ADGRB3: variants seen among roughly 807,000 people sequenced by gnomAD.
ADGRB3 encodes brain-specific angiogenesis inhibitor 3.
A neutral mutation model predicts 193.4 loss-of-function variants in ADGRB3; 37 were observed. The observed-to-expected ratio is 0.19, with a 90% CI of 0.15 to 0.25. The LOEUF (loss-of-function observed/expected upper bound fraction) is 0.25. ADGRB3 is among the 10% of genes least tolerant of loss of function. The pLI, the probability that ADGRB3 is intolerant of heterozygous loss-of-function variation, is 1.00. For synonymous variants in ADGRB3, 690 were observed against 644.2 expected (o/e 1.07, Z -1.08); for missense variants, 1,637 against 1,852.9 (o/e 0.88, Z 2.14).
intron 11 of ADGRB3, among the ~76,000 whole-genome samples, chr6:69,002,081 T>G (rs189767945): frequency 6.6e-6 from 1 of 152,350 alleles, no homozygotes; most frequent in East Asian, 1.9e-4. Context: ...TAGCTGAGAT[T>G]AAATAGGAAG....
intron 3 of ADGRB3, among the ~76,000 whole-genome samples, chr6:68,929,319 G>A (rs999990205): frequency 2.6e-5 from 4 of 152,134 alleles, no homozygotes; most frequent in Non-Finnish European, 4.4e-5. Context: ...CTCAGAGGAT[G>A]TTCTTTTGAG....
At chr6:68,863,582 C>A (rs1215144506) in intron 3 of ADGRB3, among the ~76,000 whole-genome samples, 1 of 152,012 alleles carries the variant, frequency 6.6e-6, no homozygotes, top group East Asian at 1.9e-4. Context: ...TGCAAACTCA[C>A]ACATTTTGAA....
chr6:69,366,579 G>T (rs1769572520), intron 29 of ADGRB3, among the ~76,000 whole-genome samples: 1 of 152,070 alleles, frequency 6.6e-6, no homozygotes, highest in Non-Finnish European at 1.5e-5. Context: ...GCTTCATACT[G>T]TTGTACATTT....
At chr6:69,021,223 CTACT>C (rs1770253928) in intron 13 of ADGRB3, among the ~76,000 whole-genome samples, 1 of 151,768 alleles carries the variant, frequency 6.6e-6, no homozygotes, top group Non-Finnish European at 1.5e-5. Context: ...TGGATTAAGA[CTACT>C]TAAAGAACTT....
At chr6:69,065,344 C>T (rs1771870540) in intron 16 of ADGRB3, among the ~76,000 whole-genome samples, 1 of 152,154 alleles carries the variant, frequency 6.6e-6, no homozygotes, top group Admixed American at 6.6e-5. Context: ...TCAGAGGCTC[C>T]TCCAGTTACT....
In ADGRB3 at chr6:69,239,362, G is replaced by C. The variant is rs1436076847; in HGVS notation, c.2814+136G>C. ...TATTTTAAAGCAAAATTTTGTTATT[G>C]GTTTATGAATAAAAACATTGTCTAT... On this transcript the variant is annotated intron_variant, in intron 20 of 31. Transcript: ENST00000370598. 4 of 592,984 alleles carry C rather than the reference G, an allele frequency of 6.7e-6. No homozygotes were observed. The African/African-American group carries it at 7.6e-5, about 11-fold the overall frequency. The allele number at this position is 592,984 out of a possible 1,614,324, so 36.7% of individuals were successfully genotyped here.
At chr6:68,875,021 TA>T (rs1765552224) in intron 3 of ADGRB3, among the ~76,000 whole-genome samples, 1 of 150,840 alleles carries the variant, frequency 6.6e-6, no homozygotes, top group Non-Finnish European at 1.5e-5. Context: ...ATGAAGCATT[TA>T]CTTTCTTTCT....
chr6:69,303,735 A>T (rs1341872168), intron 20 of ADGRB3, among the ~76,000 whole-genome samples: 18 of 151,986 alleles, frequency 1.2e-4, no homozygotes, highest in Admixed American at 1.1e-3. Flanking sequence ...GATATTATTT[A>T]AAAATTGTGC....
intron 17 of ADGRB3, among the ~76,000 whole-genome samples, chr6:69,136,561 A>G (rs1278340923): frequency 6.6e-6 from 1 of 152,046 alleles, no homozygotes; most frequent in Non-Finnish European, 1.5e-5. Flanking sequence ...TATATTTGGC[A>G]TTATATAAAC....
At chr6:69,036,628 A>T (rs1770879482) in intron 13 of ADGRB3, among the ~76,000 whole-genome samples, 1 of 152,166 alleles carries the variant, frequency 6.6e-6, no homozygotes, top group South Asian at 2.1e-4. Flanking sequence ...GGATATCTTT[A>T]TATGGGGTAG....
At chr6:69,301,396 G>T (rs1228074843) in intron 20 of ADGRB3, among the ~76,000 whole-genome samples, 1 of 151,834 alleles carries the variant, frequency 6.6e-6, no homozygotes, top group Non-Finnish European at 1.5e-5. Context: ...TCCTGTTGCT[G>T]TTGCAGTGAG....
chr6:69,010,762 TC>T (rs1769907076), intron 11 of ADGRB3, among the ~76,000 whole-genome samples: 1 of 128,988 alleles, frequency 7.8e-6, no homozygotes, highest in East Asian at 2.2e-4. Context: ...GTCATGGAGA[TC>T]AAGGCTGACT....
intron 16 of ADGRB3, among the ~76,000 whole-genome samples, chr6:69,065,758 T>TACAC (rs1491430136): frequency 1.2e-3 from 119 of 102,830 alleles, no homozygotes; most frequent in Admixed American, 2.3e-3. Flanking sequence ...ACTTCATGTA[T>TACAC]ATATATACAC....
intron 3 of ADGRB3, among the ~76,000 whole-genome samples, chr6:68,834,268 G>T (rs555959): frequency 0.21 from 31,999 of 151,856 alleles, 3,950 homozygotes; most frequent in East Asian, 0.58. Flanking sequence ...AATTCTTACT[G>T]TATAAAGCTC....
chr6:69,098,482 T>C (rs1453489862), intron 17 of ADGRB3, among the ~76,000 whole-genome samples: 2 of 152,158 alleles, frequency 1.3e-5, no homozygotes, highest in African/African-American at 4.8e-5. Flanking sequence ...GAGGTTTAAT[T>C]GACTCACAGT....
chr6:68,684,735 C>T (rs1455186466), intron 3 of ADGRB3, among the ~76,000 whole-genome samples: 6 of 152,010 alleles, frequency 3.9e-5, no homozygotes, highest in African/African-American at 1.2e-4. Context: ...ACTAGCTATA[C>T]ATAAATAGAT....
chr6:68,718,651 A>C (rs959617409), intron 3 of ADGRB3, among the ~76,000 whole-genome samples: 1 of 151,816 alleles, frequency 6.6e-6, no homozygotes, highest in Admixed American at 6.6e-5. Context: ...AATCTTCCTC[A>C]GTACTCAGTC....
chr6:68,765,175 T>G lies in ADGRB3; in HGVS notation c.757+125743T>G, dbSNP rs576788637. ...TTTTATGTTCTTTCTTTATTTTTAC[T>G]ATCTTTTTGCCCTCATTGGACCTCT... On this transcript the variant is annotated intron_variant, in intron 3 of 31. Coordinates refer to ENST00000370598, the MANE Select transcript of ADGRB3 (RefSeq NM_001704.3). 2.6e-5 allele frequency among the ~76,000 whole-genome samples: 4 copies of G among 152,268 alleles called. No individual in the cohort carries two copies. The South Asian group carries it at 6.2e-4, about 24-fold the overall frequency.
chr6:68,744,372 C>T (rs1405267560), intron 3 of ADGRB3, among the ~76,000 whole-genome samples: 1 of 152,070 alleles, frequency 6.6e-6, no homozygotes, highest in East Asian at 1.9e-4. Context: ...TTTGACCCAG[C>T]AATCCCATTA....
Sources: allele counts gnomAD v4.1 joint callset (sites outside exome capture counted in the v4.1 genomes callset), GRCh38; gene constraint gnomAD v4.1.1; transcripts MANE v1.5; gene names NCBI Gene and HGNC (gene_info 2026-07-23, HGNC 2026-07-21).